KCNJ6: variants seen among roughly 807,000 people sequenced by gnomAD.
KCNJ6 encodes potassium inwardly rectifying channel subfamily J member 6.
KCNJ6 carries 9 observed loss-of-function variants against 34.2 expected under a neutral mutation model. The ratio of observed to expected loss-of-function variants is 0.26; its 90% confidence interval spans 0.16 to 0.46. The LOEUF (loss-of-function observed/expected upper bound fraction) is 0.46, where lower values mean the gene tolerates loss of function less well. KCNJ6 is among the 20% of genes least tolerant of loss of function. KCNJ6 has a pLI of 1.00. For missense variants in KCNJ6, 236 were observed against 531.3 expected, an observed-to-expected ratio of 0.44 and a Z score of 5.46; for synonymous variants, 196 against 207.1, an observed-to-expected ratio of 0.95 and a Z score of 0.46.
intron 3 of KCNJ6, among the ~76,000 whole-genome samples, chr21:37,649,792 G>A (rs529462084): frequency 5.2e-4 from 79 of 152,118 alleles, no homozygotes; most frequent in Non-Finnish European, 1.1e-3. Flanking sequence ...TCGCTCTGTC[G>A]CCCTGGCTGG....
chr21:37,817,470 A>C (rs2055352271), intron 2 of KCNJ6, among the ~76,000 whole-genome samples: 1 of 152,236 alleles, frequency 6.6e-6, no homozygotes, highest in Non-Finnish European at 1.5e-5. Flanking sequence ...CAGAGAGGTT[A>C]AGAAACTTTC....
At chr21:37,804,458 G>A (rs942178554) in intron 2 of KCNJ6, among the ~76,000 whole-genome samples, 1 of 152,118 alleles carries the variant, frequency 6.6e-6, no homozygotes, top group African/African-American at 2.4e-5. Flanking sequence ...GGGTACGTGT[G>A]CAGGTTTTTT....
At chr21:37,746,364 A>G (rs572179358) in intron 2 of KCNJ6, among the ~76,000 whole-genome samples, 22 of 152,288 alleles carry the variant, frequency 1.4e-4, no homozygotes, top group African/African-American at 4.8e-4. Flanking sequence ...TGAGGTTGCA[A>G]GAGAGCCCAC....
chr21:37,853,962 A>ATCAAAGTT (rs2055551817), intron 1 of KCNJ6, among the ~76,000 whole-genome samples: 1 of 150,668 alleles, frequency 6.6e-6, no homozygotes, highest in Non-Finnish European at 1.5e-5. Flanking sequence ...CTATAGATAA[A>ATCAAAGTT]TCAAAGTTGA....
At chr21:37,687,794 A>C (rs1353311145) in intron 3 of KCNJ6, among the ~76,000 whole-genome samples, 1 of 152,160 alleles carries the variant, frequency 6.6e-6, no homozygotes, top group Non-Finnish European at 1.5e-5. Context: ...TCGGTCTTAG[A>C]TGCTGGGATG....
At position 37,607,482 on chromosome 21, in the gene KCNJ6, A is replaced by ATATATTTTTTT; in HGVS notation, c.*17676_*17677insAAAAAAATATA. 5 of 136,758 alleles carry ATATATTTTTTT rather than the reference A, an allele frequency of 3.7e-5. No homozygotes were observed. Among genetic ancestry groups the ATATATTTTTTT allele is most frequent in the South Asian group, 2.4e-4 (1 of 4,178 alleles). The allele number at this position is 136,758 out of a possible 1,614,324, so 8.5% of individuals were successfully genotyped here. A position where few individuals can be genotyped will look rare whatever the true frequency, so the allele number is the denominator to read the frequency against. On this transcript the variant is annotated 3_prime_UTR_variant, in exon 4 of 4. Coordinates refer to ENST00000609713, the MANE Select transcript of KCNJ6 (RefSeq NM_002240.5). ...CTTAAAGATATATATATATATATATATTTTTTTTTTATTTTAAAAAAATTT... is the reference window on the plus strand; with the variant it reads ...CTTAAAGATATATATATATATATATATATATTTTTTTTTTTTTTTTTATTTTAAAAAAATTT...
chr21:37,781,153 C>T (rs1026131921), intron 2 of KCNJ6, among the ~76,000 whole-genome samples: 7 of 152,198 alleles, frequency 4.6e-5, no homozygotes, highest in Non-Finnish European at 8.8e-5. Context: ...ACCACCCATC[C>T]GGCATCAGTC....
intron 1 of KCNJ6, among the ~76,000 whole-genome samples, chr21:37,910,711 G>A (rs1006936183): frequency 6.6e-6 from 1 of 152,198 alleles, no homozygotes; most frequent in Non-Finnish European, 1.5e-5. Context: ...CAGCCATACA[G>A]AAAAAATGAG....
At position 37,609,324 on chromosome 21, in the gene KCNJ6, G is replaced by A. The variant is rs2054234534; in HGVS notation, c.*15835C>T. The A allele has an allele frequency of 6.6e-6, 1 of 152,120 alleles. No individual in the cohort carries two copies. Among genetic ancestry groups the A allele is most frequent in the Non-Finnish European group, 1.5e-5 (1 of 68,034 alleles). The allele number at this position is 152,120 out of a possible 1,614,324, so 9.4% of individuals were successfully genotyped here. Reference sequence around the variant, plus strand: ...GAGAATAAGAAGTTCCAGGTACATAGAAACATGAATGTCCACAAACATGCA... The same window carrying A: ...GAGAATAAGAAGTTCCAGGTACATAAAAACATGAATGTCCACAAACATGCA... On this transcript the variant is annotated 3_prime_UTR_variant, in exon 4 of 4. Coordinates refer to ENST00000609713, the MANE Select transcript of KCNJ6 (RefSeq NM_002240.5).
chr21:37,728,678 GTA>G (rs1391041352), intron 2 of KCNJ6, among the ~76,000 whole-genome samples: 3 of 122,546 alleles, frequency 2.4e-5, no homozygotes, highest in African/African-American at 1.2e-4. Context: ...CTCTGGGTAG[GTA>G]TGTGTGTGTG....
At chr21:37,655,224 TGAGA>T (rs1177319031) in intron 3 of KCNJ6, among the ~76,000 whole-genome samples, 8 of 7,488 alleles carry the variant, frequency 1.1e-3, no homozygotes, top group Non-Finnish European at 3.2e-3. Flanking sequence ...TGTGTGTGTG[TGAGA>T]GAGAGAGAGA....
intron 2 of KCNJ6, among the ~76,000 whole-genome samples, chr21:37,757,495 T>C (rs1426795186): frequency 9.1e-5 from 12 of 132,242 alleles, no homozygotes; most frequent in African/African-American, 2.4e-4. Flanking sequence ...GATTCCAGCC[T>C]GGAGTGAGCA....
chr21:37,785,661 C>T (rs2055189297), intron 2 of KCNJ6, among the ~76,000 whole-genome samples: 1 of 152,184 alleles, frequency 6.6e-6, no homozygotes, highest in East Asian at 1.9e-4. Flanking sequence ...ATCTCCAAAA[C>T]AAGTCTTTGA....
intron 1 of KCNJ6, among the ~76,000 whole-genome samples, chr21:37,858,384 C>A (rs2055575860): frequency 8.8e-6 from 1 of 113,040 alleles, no homozygotes. Flanking sequence ...CAGAGCAAGA[C>A]TCCGTCTCAA....
intron 2 of KCNJ6, among the ~76,000 whole-genome samples, chr21:37,833,425 C>T (rs894169093): frequency 3.3e-5 from 5 of 152,118 alleles, no homozygotes; most frequent in African/African-American, 1.2e-4. Context: ...GGAAGTTAGG[C>T]GAGGTTATTG....
chr21:37,828,431 G>A (rs1167120707), intron 2 of KCNJ6, among the ~76,000 whole-genome samples: 2 of 152,186 alleles, frequency 1.3e-5, no homozygotes, highest in South Asian at 4.1e-4. Flanking sequence ...GCTGAATTCA[G>A]GGAGCCTGTG....
intron 1 of KCNJ6, among the ~76,000 whole-genome samples, chr21:37,856,004 T>A (rs1175739920): frequency 6.6e-6 from 1 of 152,082 alleles, no homozygotes; most frequent in Non-Finnish European, 1.5e-5. Context: ...GAAGCAGGAT[T>A]CAGGGCGCTC....
At chr21:37,758,939 A>G (rs2055045924) in intron 2 of KCNJ6, among the ~76,000 whole-genome samples, 1 of 152,152 alleles carries the variant, frequency 6.6e-6, no homozygotes, top group Non-Finnish European at 1.5e-5. Flanking sequence ...CCGGCCTTAG[A>G]TATTTTACAG....
chr21:37,848,730 GCTCTGGGTA>G (rs1309928865), intron 1 of KCNJ6, among the ~76,000 whole-genome samples: 1 of 152,176 alleles, frequency 6.6e-6, no homozygotes, highest in Non-Finnish European at 1.5e-5. Flanking sequence ...TTGGAGCATT[GCTCTGGGTA>G]CTTTCTTGAA....
Sources: allele counts gnomAD v4.1 joint callset (sites outside exome capture counted in the v4.1 genomes callset), GRCh38; gene constraint gnomAD v4.1.1; transcripts MANE v1.5; gene names NCBI Gene and HGNC (gene_info 2026-07-23, HGNC 2026-07-21).